MICU1: variants seen among roughly 807,000 people sequenced by gnomAD.
MICU1 encodes calcium uptake protein 1, mitochondrial.
A neutral mutation model predicts 56.8 loss-of-function variants in MICU1; 45 were observed. The observed-to-expected ratio is 0.79, with a 90% CI of 0.62 to 1.02. The LOEUF is 1.02. Among genes scored for constraint, MICU1 ranks in the 50% least tolerant of loss-of-function variants. The probability of loss-of-function intolerance (pLI) is 0.00; values close to 1 mark genes in which losing one functional copy is unlikely to be tolerated. For missense variants in MICU1, 504 were observed against 587.1 expected, an observed-to-expected ratio of 0.86 and a Z score of 1.46; for synonymous variants, 186 against 195.1, an observed-to-expected ratio of 0.95 and a Z score of 0.39.
At chr10:72,477,114 G>T in intron 7 of MICU1, 60 bp downstream of exon 7, 3 of 1,300,298 alleles carry the variant, frequency 2.3e-6, no homozygotes, top group South Asian at 1.4e-5. Context: ...TAACTCCAAG[G>T]CACATGAAAA....
chr10:72,371,452 G>A (rs1342964996), intron 11 of MICU1, among the ~76,000 whole-genome samples: 1 of 145,744 alleles, frequency 6.9e-6, no homozygotes, highest in African/African-American at 2.5e-5. Context: ...TATCAAGAAT[G>A]TAGGCCGAGG....
At chr10:72,471,378 C>T (rs1865946661) in intron 8 of MICU1, among the ~76,000 whole-genome samples, 1 of 152,194 alleles carries the variant, frequency 6.6e-6, no homozygotes, top group South Asian at 2.1e-4. Context: ...GCCACCATGC[C>T]CGGCCTTCTA....
chr10:72,530,913 C>T (rs1220051241), intron 5 of MICU1, among the ~76,000 whole-genome samples: 1 of 152,120 alleles, frequency 6.6e-6, no homozygotes, highest in African/African-American at 2.4e-5. Context: ...ATATCAGTTG[C>T]ACCACTCTTT....
intron 5 of MICU1, among the ~76,000 whole-genome samples, chr10:72,513,054 A>C (rs1310187160): frequency 1.3e-5 from 2 of 151,938 alleles, no homozygotes; most frequent in East Asian, 1.9e-4. Flanking sequence ...CACAGGATGA[A>C]ATGCAGTGGC....
intron 8 of MICU1, among the ~76,000 whole-genome samples, chr10:72,435,342 C>G (rs1039952115): frequency 2.2e-5 from 3 of 133,606 alleles, no homozygotes; most frequent in African/African-American, 8.6e-5. Context: ...GAGCTATGAT[C>G]ATGCCACTGC....
rs1863620770 is a variant in MICU1, at chr10:72,406,068, A to G, written c.1180+1861T>C. Among the ~76,000 whole-genome samples, 4 of 152,222 alleles carry G rather than the reference A, an allele frequency of 2.6e-5. No homozygotes were observed. In the South Asian group the frequency reaches 8.3e-4, roughly 32 times the overall value. On this transcript the variant is annotated intron_variant, in intron 10 of 11. Transcript: ENST00000361114. ...GAAACTATCTCTGTTTGAAGATGAT[A>G]GGATTATTTACATAGAAAAACCTGA... is the stretch of plus-strand genomic sequence containing the variant.
chr10:72,575,941 C>T (rs765267835), intron 1 of MICU1, among the ~76,000 whole-genome samples: 9 of 152,100 alleles, frequency 5.9e-5, no homozygotes, highest in Non-Finnish European at 1.3e-4. Flanking sequence ...GGGCCGGGCG[C>T]GGTGGCTCAC....
chr10:72,583,074 A>C (rs1395286081), intron 1 of MICU1: 2 of 152,068 alleles, frequency 1.3e-5, no homozygotes, highest in Non-Finnish European at 2.9e-5. Flanking sequence ...CAATGTAGCG[A>C]GACCCTGCCT....
chr10:72,524,088 C>CTGATATCCCAAATA, intron 5 of MICU1: 2 of 776,792 alleles, frequency 2.6e-6, no homozygotes, highest in Non-Finnish European at 3.4e-6. Context: ...AGTCCTGTTA[C>CTGATATCCCAAATA]AGTTCAAGTA....
intron 6 of MICU1, among the ~76,000 whole-genome samples, chr10:72,500,203 T>C (rs1451902145): frequency 7.0e-6 from 1 of 143,122 alleles, no homozygotes; most frequent in Non-Finnish European, 1.5e-5. Context: ...TTTCAAAGAT[T>C]AATAGTAAAA....
intron 1 of MICU1, among the ~76,000 whole-genome samples, chr10:72,580,645 TTTC>T (rs1329051461): frequency 1.3e-5 from 2 of 152,120 alleles, no homozygotes; most frequent in Non-Finnish European, 2.9e-5. Flanking sequence ...CCTGGCTAAC[TTTC>T]GTATTTTTTG....
intron 5 of MICU1, among the ~76,000 whole-genome samples, chr10:72,530,502 T>C (rs1239122234): frequency 6.6e-6 from 1 of 151,992 alleles, no homozygotes; most frequent in Non-Finnish European, 1.5e-5. Context: ...AAACCTAGTC[T>C]CATATTTTCA....
chr10:72,382,659 A>G (rs1210366387), intron 10 of MICU1, among the ~76,000 whole-genome samples: 1 of 152,206 alleles, frequency 6.6e-6, no homozygotes, highest in Admixed American at 6.5e-5. Context: ...CTGTAATCCC[A>G]GCACTTTATG....
In MICU1 at chr10:72,477,654, G is replaced by A. The variant is rs909221670; in HGVS notation, c.653-398C>T. 8 of 968,738 alleles carry A rather than the reference G, an allele frequency of 8.3e-6. No homozygotes were observed. The African/African-American group carries it at 1.1e-4, about 14-fold the overall frequency. 60.0% of individuals were successfully genotyped at this position (968,738 alleles called of 1,614,324 possible). A position where few individuals can be genotyped will look rare whatever the true frequency, so the allele number is the denominator to read the frequency against. On this transcript the variant is annotated intron_variant, in intron 6 of 11. Transcript: ENST00000361114. ...GAGACATATTGCTGCAAAGTAAGAAGTTGAAACACTACATCTTAGTCTTAC... is the reference window on the plus strand; with the variant it reads ...GAGACATATTGCTGCAAAGTAAGAAATTGAAACACTACATCTTAGTCTTAC...
rs11296493 is a variant in MICU1, at chr10:72,402,150, GAA to G, written c.1180+5777_1180+5778del. Among the ~76,000 whole-genome samples, 87 of 145,586 alleles carry G rather than the reference GAA, an allele frequency of 6.0e-4. 1 individual carries two copies. In the South Asian group the frequency reaches 8.7e-3, roughly 15 times the overall value. On this transcript the variant is annotated intron_variant, in intron 10 of 11. Transcript: ENST00000361114. ...AATGCTTCCATTGGAAGATTTCTGA[GAA>G]AAAAAAAAAAAGTGGCTGAATGAGA...
chr10:72,461,007 G>A (rs556290614), intron 8 of MICU1, among the ~76,000 whole-genome samples: 44 of 152,154 alleles, frequency 2.9e-4, no homozygotes, highest in African/African-American at 8.0e-4. Flanking sequence ...CTCAGACACC[G>A]TGGACATCAT....
intron 11 of MICU1, among the ~76,000 whole-genome samples, chr10:72,368,643 C>T (rs1803540261): frequency 6.6e-6 from 1 of 152,064 alleles, no homozygotes; most frequent in Admixed American, 6.6e-5. Flanking sequence ...GTGCTTTGTC[C>T]CTGGAAATAC....
chr10:72,402,811 G>T (rs934433810), intron 10 of MICU1, among the ~76,000 whole-genome samples: 13 of 152,086 alleles, frequency 8.5e-5, no homozygotes, highest in African/African-American at 3.1e-4. Context: ...ACTGTGGGAG[G>T]CTGAGACAGG....
At chr10:72,542,347 C>A (rs1429600171) in intron 4 of MICU1, among the ~76,000 whole-genome samples, 3 of 152,178 alleles carry the variant, frequency 2.0e-5, no homozygotes, top group African/African-American at 7.2e-5. Context: ...AATCCCTGCT[C>A]TGTACTAAGC....
Sources: gnomAD v4.1 joint callset for allele counts (sites outside exome capture counted in the v4.1 genomes callset) on GRCh38, gnomAD v4.1.1 for gene constraint, MANE v1.5 for transcripts, NCBI Gene and HGNC (gene_info 2026-07-23, HGNC 2026-07-21) for gene names.